The following WLS variants were observed in gnomAD, a reference collection of about 807,000 sequenced individuals.
The protein encoded by WLS is protein wntless homolog.
Under a neutral mutation model 62.8 loss-of-function variants are expected in WLS, and 23 were observed. That is an observed-to-expected ratio of 0.37 (90% CI 0.26 to 0.52). WLS has a LOEUF of 0.52. Among genes scored for constraint, WLS ranks in the 20% least tolerant of loss-of-function variants. WLS has a pLI of 0.92. For synonymous variants in WLS, 246 were observed against 244.1 expected (o/e 1.01, Z -0.07); for missense variants, 615 against 697.3 (o/e 0.88, Z 1.33).
At chr1:68,178,268 C>T (rs1427550410) in intron 2 of WLS, among the ~76,000 whole-genome samples, 1 of 152,194 alleles carries the variant, frequency 6.6e-6, no homozygotes, top group African/African-American at 2.4e-5. Flanking sequence ...ACTGAACACA[C>T]TGGTGTAATT....
intron 10 of WLS, among the ~76,000 whole-genome samples, chr1:68,140,861 G>A (rs1646675279): frequency 6.6e-6 from 1 of 152,008 alleles, no homozygotes; most frequent in South Asian, 2.1e-4. Context: ...ACCACAATGA[G>A]CAGCCTCAAC....
chr1:68,227,457 T>C (rs1473854757), intron 1 of WLS, among the ~76,000 whole-genome samples: 1 of 150,642 alleles, frequency 6.6e-6, no homozygotes, highest in Non-Finnish European at 1.5e-5. Flanking sequence ...ATGAGCATGA[T>C]TACACTGCAA....
downstream of WLS, among the ~76,000 whole-genome samples, chr1:68,124,711 A>G (rs1646404020): frequency 6.6e-6 from 1 of 152,130 alleles, no homozygotes; most frequent in Non-Finnish European, 1.5e-5. Context: ...GAATAGCCAA[A>G]GTCAAAGCAT....
chr1:68,125,545 G>A lies in WLS; in HGVS notation c.*681C>T, dbSNP rs1646417018. 2.2e-5 allele frequency: 22 copies of A among 985,278 alleles called. 1 individual carries two copies. In the South Asian group the frequency reaches 9.9e-4, roughly 44 times the overall value. 61.0% of individuals were successfully genotyped at this position (985,278 alleles called of 1,614,324 possible). A position where few individuals can be genotyped will look rare whatever the true frequency, so the allele number is the denominator to read the frequency against. ...ATTTAATACAGTAAATCTTACTTGG[G>A]TAGTTTAGCAAACATTTTTTAAAAC... On this transcript the variant is annotated 3_prime_UTR_variant, in exon 12 of 12. Coordinates refer to ENST00000262348, the MANE Select transcript of WLS (RefSeq NM_024911.7).
chr1:68,208,025 C>T (rs1649354437), intron 1 of WLS, among the ~76,000 whole-genome samples: 2 of 152,194 alleles, frequency 1.3e-5, no homozygotes, highest in Non-Finnish European at 1.5e-5. Flanking sequence ...ATGTTAAAAA[C>T]AGGGGCTCCC....
At chr1:68,172,483 G>A (rs1384476573) in intron 2 of WLS, among the ~76,000 whole-genome samples, 1 of 152,008 alleles carries the variant, frequency 6.6e-6, no homozygotes, top group Non-Finnish European at 1.5e-5. Context: ...AAAGAGTAGG[G>A]ATAAAAAGGC....
intron 1 of WLS, among the ~76,000 whole-genome samples, chr1:68,205,607 T>C (rs1431872939): frequency 1.3e-5 from 2 of 152,238 alleles, no homozygotes; most frequent in Non-Finnish European, 2.9e-5. Context: ...AATGTTCACA[T>C]CTCAGCCTTT....
At chr1:68,148,385 G>T (rs1375921888) in intron 7 of WLS, among the ~76,000 whole-genome samples, 178 bp downstream of exon 7, 1 of 152,188 alleles carries the variant, frequency 6.6e-6, no homozygotes, top group African/African-American at 2.4e-5. Flanking sequence ...TTTTTCAACT[G>T]TAAAGAGCTG....
chr1:68,098,557 G>A, exon 12 of WLS: 1 of 1,577,470 alleles, frequency 6.3e-7, no homozygotes, highest in Non-Finnish European at 8.6e-7. Flanking sequence ...GTATTTGTGT[G>A]CGTATACAAG....
chr1:68,150,853 C>T (rs573739619), intron 5 of WLS, among the ~76,000 whole-genome samples: 2 of 152,190 alleles, frequency 1.3e-5, no homozygotes, highest in Non-Finnish European at 1.5e-5. Context: ...TTTTATTTTA[C>T]TCTTCCCCTG....
At chr1:68,111,998 A>T (rs913869569) in intron 11 of WLS, among the ~76,000 whole-genome samples, 7 of 152,218 alleles carry the variant, frequency 4.6e-5, no homozygotes, top group Non-Finnish European at 1.0e-4. Flanking sequence ...GTTCAAAGCT[A>T]AGCAGTGCCC....
At chr1:68,115,457 G>C (rs1189699557) in intron 11 of WLS, among the ~76,000 whole-genome samples, 1 of 152,200 alleles carries the variant, frequency 6.6e-6, no homozygotes, top group Non-Finnish European at 1.5e-5. Context: ...CCCTCCCTTT[G>C]AGACAAAGTA....
chr1:68,166,126 T>C (rs1047960267), intron 2 of WLS, among the ~76,000 whole-genome samples: 2 of 152,278 alleles, frequency 1.3e-5, no homozygotes, highest in African/African-American at 4.8e-5. Flanking sequence ...TCCTGTGGTT[T>C]CTGTGCTTTA....
At chr1:68,163,166 C>G in intron 2 of WLS, 1 of 912,616 alleles carries the variant, frequency 1.1e-6, no homozygotes, top group Non-Finnish European at 1.7e-6. Flanking sequence ...TCGCAGGAGT[C>G]TCCGTGCATG....
At chr1:68,099,743 A>G (rs1391572990) in intron 11 of WLS, 2 of 152,140 alleles carry the variant, frequency 1.3e-5, no homozygotes, top group Non-Finnish European at 2.9e-5. Flanking sequence ...TTTCCAATCC[A>G]TGGTTGGGTG....
At chr1:68,142,567 A>G (rs192331185) in intron 10 of WLS, 12 of 152,376 alleles carry the variant, frequency 7.9e-5, no homozygotes, top group Middle Eastern at 3.4e-3. Context: ...GTAGAATAAA[A>G]CACTCTTTCA....
chr1:68,115,780 A>T (rs1262907078), intron 11 of WLS, among the ~76,000 whole-genome samples: 1 of 152,130 alleles, frequency 6.6e-6, no homozygotes, highest in African/African-American at 2.4e-5. Context: ...TTCTCTTCTT[A>T]TAAAGTTAAA....
At chr1:68,226,060 G>A (rs541325576) in intron 1 of WLS, among the ~76,000 whole-genome samples, 1 of 152,232 alleles carries the variant, frequency 6.6e-6, no homozygotes, top group African/African-American at 2.4e-5. Flanking sequence ...CCTTGGCAAG[G>A]CACTTTTTGG....
chr1:68,139,424 A>G (rs927273236), intron 10 of WLS, among the ~76,000 whole-genome samples: 1 of 152,232 alleles, frequency 6.6e-6, no homozygotes, highest in Non-Finnish European at 1.5e-5. Context: ...AAAGGAAAAG[A>G]AAGCATTAAG....
Sources: gnomAD v4.1 joint callset for allele counts (sites outside exome capture counted in the v4.1 genomes callset) on GRCh38, gnomAD v4.1.1 for gene constraint, MANE v1.5 for transcripts, NCBI Gene and HGNC (gene_info 2026-07-23, HGNC 2026-07-21) for gene names.